Variants in SELENOS observed in about 807,000 individuals in gnomAD.
The protein encoded by SELENOS is VCP interacting membrane selenoprotein.
SELENOS carries 37 observed loss-of-function variants against 30.2 expected under a neutral mutation model. The ratio of observed to expected loss-of-function variants is 1.23; its 90% CI spans 0.94 to 1.61. SELENOS has a LOEUF of 1.61. SELENOS is among the 40% of genes most tolerant of loss of function. The pLI is 0.00. For synonymous variants in SELENOS, 119 were observed against 91.6 expected (o/e 1.30, Z -1.71); for missense variants, 289 against 231.8 (o/e 1.25, Z -1.60).
chr15:101,276,351 T>C, intron 2 of SELENOS, 190 bp downstream of exon 2: 4 of 621,502 alleles, frequency 6.4e-6, no homozygotes, highest in Non-Finnish European at 9.9e-6. Context: ...TGGACTCAAG[T>C]GATTATCCCG....
chr15:101,276,532 G>T lies in SELENOS; in HGVS notation c.211+9C>A. ...ACCACCGCTTTCATTTCGGTTATCA[G>T]GCACTAACCCACAGCAGCCGCAGCT... On this transcript the variant is annotated intron_variant, in intron 2 of 5. Coordinates refer to ENST00000526049, the MANE Select transcript of SELENOS (RefSeq NM_018445.6). 6.3e-7 allele frequency: 1 copy of T among 1,591,852 alleles called. No individual in the cohort carries two copies. The highest frequency in any genetic ancestry group is 1.1e-5 in the South Asian group (1 of 87,814).
At chr15:101,274,217 T>C (rs2039298347) in intron 5 of SELENOS, 2 of 639,480 alleles carry the variant, frequency 3.1e-6, no homozygotes, top group South Asian at 1.9e-5. Context: ...AGGATCAAGT[T>C]AGAATACTAT....
intron 1 of SELENOS, 105 bp downstream of exon 1, chr15:101,277,237 G>A (rs900192093): frequency 8.6e-6 from 13 of 1,508,952 alleles, no homozygotes; most frequent in Middle Eastern, 1.7e-4. Flanking sequence ...ACCGTTCCCA[G>A]GCCTCCCAGG....
intron 1 of SELENOS, 109 bp downstream of exon 1, chr15:101,277,233 C>A: frequency 6.6e-7 from 1 of 1,505,324 alleles, no homozygotes; most frequent in Non-Finnish European, 8.9e-7. Context: ...CCCGACCGTT[C>A]CCAGGCCTCC....
intron 5 of SELENOS, chr15:101,274,067 C>T (rs1217069770): frequency 3.0e-6 from 1 of 335,892 alleles, no homozygotes; most frequent in Non-Finnish European, 5.6e-6. Context: ...CATCTGTCTG[C>T]TACTCCTTGT....
downstream of SELENOS, chr15:101,271,547 T>C (rs2039268102): frequency 6.6e-6 from 1 of 152,262 alleles, no homozygotes; most frequent in Admixed American, 6.5e-5. Flanking sequence ...CTGTTTCCTC[T>C]CCTTCAGCCA....
Position 101,274,754 on chromosome 15 carries a change from T to G in SELENOS, c.319-73A>C, listed in dbSNP as rs142476808. On this transcript the variant is annotated intron_variant, in intron 3 of 5. Coordinates refer to ENST00000526049, the MANE Select transcript of SELENOS (RefSeq NM_018445.6). ...CTCTCAAAGACAAAGCTAACTCTGA[T>G]AATTCTTAATTTAAATGTCTTTCAG... The G allele has an allele frequency of 2.7e-4, 380 of 1,400,218 alleles. No homozygotes were observed. The African/African-American group carries it at 4.9e-3, about 18-fold the overall frequency. The allele number at this position is 1,400,218 out of a possible 1,614,324, so 86.7% of individuals were successfully genotyped here.
rs756199410 is a variant in SELENOS, at chr15:101,276,677, T to C, written c.77-2A>G. On this transcript the variant is annotated splice_acceptor_variant, in intron 1 of 5. Transcript: ENST00000526049. LOFTEE classifies it high-confidence loss of function. ...CATAGGTGGCCAGCAGGGAGCCCAC[T>C]GAAAAGAAAAACAGTTTTCAAAAAA... 5 of 1,599,044 alleles carry C rather than the reference T, an allele frequency of 3.1e-6. No individual in the cohort carries two copies. Among genetic ancestry groups the C allele is most frequent in the South Asian group, 1.1e-5 (1 of 88,676 alleles).
At chr15:101,276,705 A>C (rs779117231) in intron 1 of SELENOS, 30 bp from the exon 2 acceptor site, 2 of 1,595,234 alleles carry the variant, frequency 1.3e-6, no homozygotes, top group Non-Finnish European at 1.7e-6. Flanking sequence ...TCAAAAAACT[A>C]AAAATGACAC....
At chr15:101,271,149 C>T (rs558127775), downstream of SELENOS, 30 of 152,304 alleles carry the variant, frequency 2.0e-4, no homozygotes, top group African/African-American at 6.7e-4. Context: ...TCTACTCATG[C>T]GATGTGTAGT....
At chr15:101,277,080 A>T (rs1163286006) in intron 1 of SELENOS, 2 of 673,876 alleles carry the variant, frequency 3.0e-6, no homozygotes, top group Non-Finnish European at 5.3e-6. Context: ...GAGTGACCCC[A>T]GTAACTACCA....
rs370753066 is a variant in SELENOS, at chr15:101,276,592, G to A, written c.160C>T (p.Arg54Trp). Residue 54 changes from arginine (R) to tryptophan (W), a missense_variant, in exon 2 of 6, where the codon CGG becomes TGG. Transcript: ENST00000526049. ...LYVVFQKLSA[R>W]LRALRQRQLD... ...TGCCTCTGCCTCAAGGCTCTTAGCC[G>A]GGCGGAAAGCTTCTGAAAGACCACG... 39 of 1,613,642 alleles carry A rather than the reference G, an allele frequency of 2.4e-5. 1 individual carries two copies. In the Admixed American group the frequency reaches 3.3e-4, roughly 14 times the overall value.
chr15:101,276,573 T>C lies in SELENOS; in HGVS notation c.179A>G (p.Gln60Arg). Residue 60 changes from glutamine to arginine, a missense_variant, in exon 2 of 6, where the codon CAG (glutamine) becomes CGG (arginine). Transcript: ENST00000526049. ...AGCCGCAGCTCGGTCCAGCTGCCTC[T>C]GCCTCAAGGCTCTTAGCCGGGCGGA... ...KLSARLRALRQRQLDRAAAAV... is the reference protein window; with the variant it reads ...KLSARLRALRRRQLDRAAAAV... 6.2e-7 allele frequency: 1 copy of C among 1,613,174 alleles called. No homozygotes were observed. Among genetic ancestry groups the C allele is most frequent in the Non-Finnish European group, 8.5e-7 (1 of 1,179,676 alleles).
At position 101,277,394 on chromosome 15, in the gene SELENOS, C is replaced by G. The variant is rs2039342108; in HGVS notation, c.24G>C (p.Leu8=). The G allele has an allele frequency of 2.7e-6, 4 of 1,503,074 alleles. No individual in the cohort carries two copies. The South Asian group carries it at 3.7e-5, about 14-fold the overall frequency. The allele number at this position is 1,503,074 out of a possible 1,614,324, so 93.1% of individuals were successfully genotyped here. MERQEES[L]SARPALETEG... ...CGGTCTCCAGGGCCGGCCGCGCGGA[C>G]AGAGACTCCTCTTGGCGTTCCATGA... The change falls in exon 1 of 6, where the codon CTG becomes CTC. Residue 8 remains leucine, a synonymous_variant. Coordinates refer to ENST00000526049, the MANE Select transcript of SELENOS (RefSeq NM_018445.6).
chr15:101,277,006 G>C, intron 1 of SELENOS: 1 of 539,246 alleles, frequency 1.9e-6, no homozygotes, highest in Non-Finnish European at 3.3e-6. Context: ...GGGTGACAGC[G>C]CGGGGAGTCA....
chr15:101,272,699 C>G lies in SELENOS; in HGVS notation c.*72G>C. 6.8e-7 allele frequency: 1 copy of G among 1,470,494 alleles called. No individual in the cohort carries two copies. The allele number at this position is 1,470,494 out of a possible 1,614,324, so 91.1% of individuals were successfully genotyped here. A position where few individuals can be genotyped will look rare whatever the true frequency, so the allele number is the denominator to read the frequency against. On this transcript the variant is annotated 3_prime_UTR_variant, in exon 6 of 6. Coordinates refer to ENST00000526049, the MANE Select transcript of SELENOS (RefSeq NM_018445.6). ...CCCCTTGGCTAGTCACTGTGAAAAG[C>G]GTGCGTAAGGCAATTGAATCGAGGG...
Position 101,274,641 on chromosome 15 carries a change from T to C in SELENOS, c.359A>G (p.Asp120Gly), listed in dbSNP as rs2039304410. 1.2e-6 allele frequency: 2 copies of C among 1,613,426 alleles called. No homozygotes were observed. Among genetic ancestry groups the C allele is most frequent in the Admixed American group, 1.7e-5 (1 of 59,880 alleles). ...EKRRQKIEMWDSMQEGKSYKG... is the reference protein window; with the variant it reads ...EKRRQKIEMWGSMQEGKSYKG... ...GTAACTTTTTCCTTCTTGCATGCTG[T>C]CCCACATTTCAATCTTCTGTCTCCT... is the stretch of plus-strand genomic sequence containing the variant. Residue 120 changes from aspartate (D) to glycine (G), a missense_variant, in exon 4 of 6, where the codon GAC (aspartate) becomes GGC (glycine). Asp to Gly is a moderately conservative substitution (Grantham distance 94). Transcript: ENST00000526049.
At position 101,277,446 on chromosome 15, in the gene SELENOS, T is replaced by G. The variant is rs752124669; in HGVS notation, c.-29A>C. On this transcript the variant is annotated 5_prime_UTR_variant, in exon 1 of 6. Transcript: ENST00000526049. ...CGCCGCCGCCGCCGCCGCCCAGCCC[T>G]GCCGCCGCGCCTCCAGCCGGGCGCT... is the stretch of plus-strand genomic sequence containing the variant. The G allele has an allele frequency of 3.5e-6, 5 of 1,425,892 alleles. No individual in the cohort carries two copies. Among genetic ancestry groups the G allele is most frequent in the Non-Finnish European group, 3.6e-6 (4 of 1,098,514 alleles). The allele number at this position is 1,425,892 out of a possible 1,614,324, so 88.3% of individuals were successfully genotyped here. A position where few individuals can be genotyped will look rare whatever the true frequency, so the allele number is the denominator to read the frequency against.
At chr15:101,276,854 A>C in intron 1 of SELENOS, 179 bp from the exon 2 acceptor site, 4 of 699,390 alleles carry the variant, frequency 5.7e-6, no homozygotes, top group Non-Finnish European at 9.1e-6. Flanking sequence ...CAATTCAGGG[A>C]TCACTGAGAA....
Sources: allele counts gnomAD v4.1 joint callset, GRCh38; gene constraint gnomAD v4.1.1; transcripts MANE v1.5; gene names NCBI Gene and HGNC (gene_info 2026-07-23, HGNC 2026-07-21).